GPC3: variants seen among roughly 807,000 people sequenced by gnomAD.
GPC3 encodes the protein glypican-3.
In GPC3, 3 loss-of-function variants were observed where a neutral mutation model predicts 34.4. That is an observed-to-expected ratio of 0.09 (90% CI 0.04 to 0.23). The LOEUF (loss-of-function observed/expected upper bound fraction) is 0.23. Ranked by LOEUF, GPC3 falls within the 10% of genes least tolerant of loss-of-function variation. The probability of loss-of-function intolerance (pLI) is 1.00; values close to 1 mark genes in which losing one functional copy is unlikely to be tolerated. For synonymous variants in GPC3, 177 were observed against 174.0 expected (o/e 1.02, Z -0.13); for missense variants, 351 against 445.6 (o/e 0.79, Z 1.91).
intron 5 of GPC3, among the ~76,000 whole-genome samples, chrX:133,689,727 C>T (rs1015278194): frequency 6.3e-5 from 7 of 111,829 alleles, no homozygotes; most frequent in Admixed American, 5.7e-4. Flanking sequence ...AATGAATGAA[C>T]ACATCAGTAA....
At position 133,839,962 on chromosome X, in the gene GPC3, T is replaced by C. The variant is rs754965573; in HGVS notation, c.338-85786A>G. The stretch of plus-strand genomic sequence containing the variant: ...AAAAAAAAAAGACATCTCAGAACAG[T>C]CATGTGTATCTTCTGGCTAATGATA... On this transcript the variant is annotated intron_variant, in intron 2 of 7. Coordinates refer to ENST00000370818, the MANE Select transcript of GPC3 (RefSeq NM_004484.4). Among the ~76,000 whole-genome samples the C allele has an allele frequency of 4.8e-5, 5 of 105,077 alleles. No homozygotes were observed. The East Asian group carries it at 1.5e-3, about 31-fold the overall frequency. 91.2% of individuals were successfully genotyped at this position (105,077 alleles called of 115,157 possible). A position where few individuals can be genotyped will look rare whatever the true frequency, so the allele number is the denominator to read the frequency against.
chrX:133,617,743 C>T (rs190804821), intron 6 of GPC3, among the ~76,000 whole-genome samples: 542 of 111,369 alleles, frequency 4.9e-3, no homozygotes, highest in Non-Finnish European at 7.7e-3. Context: ...TAATCAATCC[C>T]TAGTTATTAT....
intron 2 of GPC3, among the ~76,000 whole-genome samples, chrX:133,935,559 C>A (rs1048198595): frequency 9.0e-6 from 1 of 111,597 alleles, no homozygotes; most frequent in African/African-American, 3.3e-5. Context: ...TGAATTATTT[C>A]CCTTTTCAGA....
intron 3 of GPC3, among the ~76,000 whole-genome samples, chrX:133,740,784 T>A (rs902338573): frequency 5.4e-5 from 6 of 111,455 alleles, no homozygotes; most frequent in South Asian, 3.8e-4. Flanking sequence ...AAGTATTTTT[T>A]AAATACTTTT....
intron 2 of GPC3, among the ~76,000 whole-genome samples, chrX:133,829,496 C>G (rs763426180): frequency 1.8e-5 from 2 of 111,676 alleles, no homozygotes; most frequent in South Asian, 7.5e-4. Context: ...AACATTTCTT[C>G]CAACAAGAGC....
chrX:133,884,645 T>C (rs1409156383), intron 2 of GPC3, among the ~76,000 whole-genome samples: 5 of 111,748 alleles, frequency 4.5e-5, no homozygotes, highest in South Asian at 3.7e-4. Flanking sequence ...AGTTTCAATG[T>C]TGTAATTGTG....
In GPC3 at chrX:133,646,526, C is replaced by A. The variant is rs771083310; in HGVS notation, c.1413+15204G>T. 3.6e-5 allele frequency among the ~76,000 whole-genome samples: 4 copies of A among 111,695 alleles called. No homozygotes were observed. In the South Asian group the frequency reaches 1.5e-3, roughly 42 times the overall value. On this transcript the variant is annotated intron_variant, in intron 6 of 7. Coordinates refer to ENST00000370818, the MANE Select transcript of GPC3 (RefSeq NM_004484.4). ...TTCCCAATATCTAGCTATCTATACTCGAGGCATGAATCACCACAGGACTAC... is the reference window on the plus strand; with the variant it reads ...TTCCCAATATCTAGCTATCTATACTAGAGGCATGAATCACCACAGGACTAC...
intron 7 of GPC3, among the ~76,000 whole-genome samples, chrX:133,571,858 C>T (rs1195526787): frequency 8.9e-6 from 1 of 112,151 alleles, no homozygotes; most frequent in African/African-American, 3.2e-5. Flanking sequence ...TTCTGTAGTT[C>T]TGTTCTTAAT....
At chrX:133,712,206 A>C (rs750474023) in intron 3 of GPC3, among the ~76,000 whole-genome samples, 11 of 112,052 alleles carry the variant, frequency 9.8e-5, no homozygotes, top group Non-Finnish European at 1.9e-4. Flanking sequence ...ACAACTTATC[A>C]CAGAGTTCTG....
At chrX:133,551,082 G>A (rs1413405344) in intron 7 of GPC3, among the ~76,000 whole-genome samples, 1 of 110,867 alleles carries the variant, frequency 9.0e-6, no homozygotes, top group Non-Finnish European at 1.9e-5. Flanking sequence ...CTTCATGATT[G>A]TGTTCCCATA....
intron 2 of GPC3, among the ~76,000 whole-genome samples, chrX:133,888,744 C>T (rs192221360): frequency 7.1e-5 from 8 of 112,427 alleles, no homozygotes; most frequent in African/African-American, 1.6e-4. Context: ...TAGCTTCAAT[C>T]CAACACTATA....
chrX:133,761,509 C>T (rs2071790550), intron 2 of GPC3, among the ~76,000 whole-genome samples: 1 of 111,788 alleles, frequency 8.9e-6, no homozygotes, highest in Admixed American at 9.5e-5. Flanking sequence ...ATACAATGTA[C>T]ATCAATGAGG....
intron 2 of GPC3, among the ~76,000 whole-genome samples, chrX:133,799,750 C>T (rs2075599886): frequency 9.0e-6 from 1 of 111,722 alleles, no homozygotes; most frequent in Admixed American, 9.5e-5. Flanking sequence ...ATAGTTCTCT[C>T]TGATAGGATT....
intron 2 of GPC3, among the ~76,000 whole-genome samples, chrX:133,914,194 T>C (rs1023021225): frequency 9.0e-6 from 1 of 111,522 alleles, no homozygotes; most frequent in Non-Finnish European, 1.9e-5. Flanking sequence ...TGCCTCAGGC[T>C]TCTGGGAGTC....
At chrX:133,953,348 G>T in intron 1 of GPC3, 137 bp from the exon 2 acceptor site, 1 of 528,321 alleles carries the variant, frequency 1.9e-6, no homozygotes, top group Non-Finnish European at 3.3e-6. Flanking sequence ...TTGAGATACA[G>T]TAAAATTTTG....
chrX:133,710,632 A>G (rs2071257950), intron 3 of GPC3, among the ~76,000 whole-genome samples: 1 of 111,773 alleles, frequency 8.9e-6, no homozygotes, highest in African/African-American at 3.3e-5. Flanking sequence ...CTGCTCTGGA[A>G]TATCTGGAAT....
In GPC3 at chrX:133,970,463, A is replaced by G. The variant is rs770120887; in HGVS notation, c.175+14812T>C. ...GAGAACATTAGTCTTTATCCGTAAT[A>G]TTTTCTTAAAAAACACACAATCTCA... is the stretch of plus-strand genomic sequence containing the variant. On this transcript the variant is annotated intron_variant, in intron 1 of 7. Transcript: ENST00000370818. Among the ~76,000 whole-genome samples the G allele has an allele frequency of 2.7e-5, 3 of 110,398 alleles. No individual in the cohort carries two copies. In the South Asian group the frequency reaches 1.2e-3, roughly 43 times the overall value.
At chrX:133,781,080 C>T (rs1055335766) in intron 2 of GPC3, among the ~76,000 whole-genome samples, 1 of 111,653 alleles carries the variant, frequency 9.0e-6, no homozygotes, top group Non-Finnish European at 1.9e-5. Flanking sequence ...TACACCCTTG[C>T]ATCTTGTTTC....
intron 2 of GPC3, among the ~76,000 whole-genome samples, chrX:133,855,793 G>T (rs1047541913): frequency 1.8e-5 from 2 of 110,017 alleles, no homozygotes; most frequent in Admixed American, 9.7e-5. Flanking sequence ...TCCAATTCTG[G>T]TAACGACTGT....
Sources: gnomAD v4.1 joint callset for allele counts (sites outside exome capture counted in the v4.1 genomes callset) on GRCh38, gnomAD v4.1.1 for gene constraint, MANE v1.5 for transcripts, NCBI Gene and HGNC (gene_info 2026-07-23, HGNC 2026-07-21) for gene names.